ERC2: variants seen among roughly 807,000 people sequenced by gnomAD.
ERC2 encodes ERC protein 2.
In ERC2, 42 loss-of-function variants were observed where a neutral mutation model predicts 114.8. The ratio of observed to expected loss-of-function variants is 0.37; its 90% CI spans 0.29 to 0.47. The LOEUF (loss-of-function observed/expected upper bound fraction) is 0.47, where lower values mean the gene tolerates loss of function less well. ERC2 is among the 20% of genes least tolerant of loss of function. ERC2 has a pLI of 0.99. For synonymous variants in ERC2, 454 were observed against 425.5 expected (o/e 1.07, Z -0.82); for missense variants, 939 against 1,150.7 (o/e 0.82, Z 2.66).
At chr3:55,968,703 C>T (rs930885974) in intron 12 of ERC2, among the ~76,000 whole-genome samples, 1 of 152,110 alleles carries the variant, frequency 6.6e-6, no homozygotes, top group African/African-American at 2.4e-5. Context: ...CCTCTATTTC[C>T]GCCCTTTGAT....
rs71096498 is a variant in ERC2 at position 55,729,837 on chromosome 3, C to CAA, written c.2712+4932_2712+4933dup. Among the ~76,000 whole-genome samples, 63 of 61,628 alleles carry CAA rather than the reference C, an allele frequency of 1.0e-3. 3 individuals are homozygous for CAA. Among genetic ancestry groups the CAA allele is most frequent in the African/African-American group, 3.3e-3 (39 of 11,684 alleles). The allele number at this position is 61,628 out of a possible 152,430, so 40.4% of individuals were successfully genotyped here. On this transcript the variant is annotated intron_variant, in intron 15 of 17. Coordinates refer to ENST00000288221, the MANE Select transcript of ERC2 (RefSeq NM_015576.3). ...AGGGTAATGCAGTGAGACTCTATCG[C>CAA]AAAAAAAAAAAAAAAAAAAAAAAAA...
At chr3:55,931,499 G>A (rs2066084883) in intron 13 of ERC2, among the ~76,000 whole-genome samples, 1 of 152,048 alleles carries the variant, frequency 6.6e-6, no homozygotes, top group East Asian at 1.9e-4. Flanking sequence ...AACTAACACA[G>A]GAACAGAAAA....
At chr3:55,932,114 T>C (rs1368745619) in intron 13 of ERC2, among the ~76,000 whole-genome samples, 3 of 152,192 alleles carry the variant, frequency 2.0e-5, no homozygotes, top group Non-Finnish European at 2.9e-5. Flanking sequence ...TTTGCTTGTC[T>C]CTATTCATGA....
intron 14 of ERC2, among the ~76,000 whole-genome samples, chr3:55,750,999 T>C (rs555024706): frequency 8.5e-5 from 13 of 152,350 alleles, no homozygotes; most frequent in Admixed American, 8.5e-4. Flanking sequence ...AATAGCTTAA[T>C]TAGGTTAGCA....
At chr3:55,999,169 A>G (rs1307953728) in intron 10 of ERC2, among the ~76,000 whole-genome samples, 1 of 152,216 alleles carries the variant, frequency 6.6e-6, no homozygotes, top group Admixed American at 6.5e-5. Context: ...TTTAGAATTA[A>G]GAACCAAGGG....
intron 13 of ERC2, among the ~76,000 whole-genome samples, chr3:55,919,285 G>C (rs2065278996): frequency 6.6e-6 from 1 of 152,152 alleles, no homozygotes; most frequent in Admixed American, 6.5e-5. Flanking sequence ...AGACTGAAGT[G>C]AGAGGATGGC....
Position 56,158,295 on chromosome 3 carries a change from T to C in ERC2, c.1150-9163A>G, listed in dbSNP as rs77805954. On this transcript the variant is annotated intron_variant, in intron 4 of 17. Coordinates refer to ENST00000288221, the MANE Select transcript of ERC2 (RefSeq NM_015576.3). ...AGTTCCTAGGTCATTTATTATCCCA[T>C]AGACCTCCTGAGACTTGCTATTTTT... is the stretch of plus-strand genomic sequence containing the variant. 1.4e-3 allele frequency among the ~76,000 whole-genome samples: 208 copies of C among 152,182 alleles called. 5 individuals are homozygous for C. In the East Asian group the frequency reaches 0.037, roughly 27 times the overall value.
intron 14 of ERC2, among the ~76,000 whole-genome samples, chr3:55,808,446 A>G (rs2059573164): frequency 6.6e-6 from 1 of 151,994 alleles, no homozygotes; most frequent in Non-Finnish European, 1.5e-5. Flanking sequence ...TAACTATTTT[A>G]GGTAACCCCA....
chr3:56,172,698 A>G (rs1560303999), intron 4 of ERC2, among the ~76,000 whole-genome samples: 1 of 152,182 alleles, frequency 6.6e-6, no homozygotes, highest in African/African-American at 2.4e-5. Flanking sequence ...ATACTTTACT[A>G]TTTGCATCCT....
At chr3:55,608,515 A>G (rs1324805041) in intron 17 of ERC2, among the ~76,000 whole-genome samples, 2 of 152,310 alleles carry the variant, frequency 1.3e-5, no homozygotes, top group South Asian at 2.1e-4. Flanking sequence ...CCTTCTCTTT[A>G]CAAAGGTTCC....
At chr3:56,409,167 G>C (rs6445788) in intron 2 of ERC2, among the ~76,000 whole-genome samples, 64,098 of 152,094 alleles carry the variant, frequency 0.42, 14,627 homozygotes, top group African/African-American at 0.59. Context: ...GGCAACCTAG[G>C]GCTTCGCATT....
At chr3:55,559,353 C>T (rs944321594) in intron 17 of ERC2, among the ~76,000 whole-genome samples, 2 of 152,246 alleles carry the variant, frequency 1.3e-5, no homozygotes, top group African/African-American at 4.8e-5. Context: ...TGTGCATGCA[C>T]TTAAGGCCCA....
intron 3 of ERC2, among the ~76,000 whole-genome samples, chr3:56,184,133 G>A (rs1263190827): frequency 6.6e-6 from 1 of 152,052 alleles, no homozygotes; most frequent in Non-Finnish European, 1.5e-5. Flanking sequence ...TGGTGAATCT[G>A]CATTAAAGAC....
chr3:55,946,636 G>T (rs1576313090), intron 13 of ERC2, among the ~76,000 whole-genome samples: 1 of 152,078 alleles, frequency 6.6e-6, no homozygotes, highest in African/African-American at 2.4e-5. Context: ...CCCATTTACA[G>T]ATGAAAAAAG....
At chr3:56,457,136 A>G (rs2317064) in intron 1 of ERC2, among the ~76,000 whole-genome samples, 150,678 of 152,318 alleles carry the variant, frequency 0.99, 74,543 homozygotes, top group Middle Eastern at 1. Flanking sequence ...TTAATCTAAC[A>G]AAGTCAGTTT....
intron 15 of ERC2, among the ~76,000 whole-genome samples, chr3:55,715,670 C>T (rs2064078745): frequency 6.6e-6 from 1 of 151,906 alleles, no homozygotes; most frequent in African/African-American, 2.4e-5. Flanking sequence ...GGGAAATAAC[C>T]CATTAAAAGA....
chr3:55,580,290 G>A (rs1380540618), intron 17 of ERC2, among the ~76,000 whole-genome samples: 1 of 151,896 alleles, frequency 6.6e-6, no homozygotes, highest in Non-Finnish European at 1.5e-5. Flanking sequence ...TTGGGGAGGG[G>A]GTAGTGCTGC....
chr3:56,451,100 C>A (rs1033069332), intron 1 of ERC2, among the ~76,000 whole-genome samples: 10 of 152,034 alleles, frequency 6.6e-5, no homozygotes, highest in African/African-American at 2.2e-4. Flanking sequence ...ATTGGCAAAG[C>A]TTCAGTTATA....
intron 14 of ERC2, among the ~76,000 whole-genome samples, chr3:55,785,191 A>G (rs1453127978): frequency 6.6e-6 from 1 of 152,228 alleles, no homozygotes; most frequent in African/African-American, 2.4e-5. Context: ...CAGGGTACAC[A>G]AGGAAAACCT....
Sources: allele counts gnomAD v4.1 joint callset (sites outside exome capture counted in the v4.1 genomes callset), GRCh38; gene constraint gnomAD v4.1.1; transcripts MANE v1.5; gene names NCBI Gene and HGNC (gene_info 2026-07-23, HGNC 2026-07-21).